The following MLIP variants were observed in gnomAD, a reference collection of about 807,000 sequenced individuals.
MLIP encodes the protein muscular LMNA-interacting protein.
MLIP carries 79 observed loss-of-function variants against 84.8 expected under a neutral mutation model. The ratio of observed to expected loss-of-function variants is 0.93; its 90% CI spans 0.78 to 1.12. The LOEUF is 1.12. Ranked by LOEUF, MLIP falls within the 50% of genes most tolerant of loss-of-function variation. MLIP has a pLI of 0.00. For synonymous variants in MLIP, 504 were observed against 463.0 expected, an observed-to-expected ratio of 1.09 and a Z score of -1.14; for missense variants, 1,257 against 1,160.6, an observed-to-expected ratio of 1.08 and a Z score of -1.21.
At chr6:54,090,142 A>G (rs1375010476) in intron 1 of MLIP, among the ~76,000 whole-genome samples, 1 of 152,152 alleles carries the variant, frequency 6.6e-6, no homozygotes, top group African/African-American at 2.4e-5. Context: ...GAAGAAACAT[A>G]AGCAGCAGTT....
At position 54,192,672 on chromosome 6, in the gene MLIP, T is replaced by A. The variant is rs62397387; in HGVS notation, c.2589+2758T>A. 4.7e-3 allele frequency among the ~76,000 whole-genome samples: 717 copies of A among 152,086 alleles called. 14 individuals carry two copies. The highest frequency in any genetic ancestry group is 0.041 in the South Asian group (196 of 4,826). ...TTTATAATATGCATACACATATAGATGACATATGAGGTAATTCTGATTGTT... is the reference window on the plus strand; with the variant it reads ...TTTATAATATGCATACACATATAGAAGACATATGAGGTAATTCTGATTGTT... On this transcript the variant is annotated intron_variant, in intron 10 of 13. Transcript: ENST00000502396.
chr6:54,124,936 G>T, intron 3 of MLIP, 71 bp downstream of exon 3: 1 of 1,392,594 alleles, frequency 7.2e-7, no homozygotes, highest in Admixed American at 2.5e-5. Context: ...TGGGCGGTCT[G>T]CAAAGGCCAT....
At chr6:54,131,288 T>C (rs816369) in intron 3 of MLIP, among the ~76,000 whole-genome samples, 46,442 of 152,086 alleles carry the variant, frequency 0.31, 7,381 homozygotes, top group African/African-American at 0.37. Context: ...CTTGAGGCTG[T>C]GGAATTCATG....
chr6:54,254,992 A>G lies in MLIP; in HGVS notation c.2923-2316A>G, dbSNP rs73440540. Among the ~76,000 whole-genome samples, 1,014 of 152,192 alleles carry G rather than the reference A, an allele frequency of 6.7e-3. 10 individuals are homozygous for G. Among genetic ancestry groups the G allele is most frequent in the African/African-American group, 0.023 (961 of 41,534 alleles). On this transcript the variant is annotated intron_variant, in intron 12 of 13. Coordinates refer to ENST00000502396, the MANE Select transcript of MLIP (RefSeq NM_001281747.2). ...ATTAAGCTCAGACTCCTCATCTGAC[A>G]TATAAGCTCCATTATACTGTGTCTC...
intron 3 of MLIP, among the ~76,000 whole-genome samples, chr6:54,133,221 A>T (rs1378009699): frequency 1.3e-5 from 2 of 152,190 alleles, no homozygotes; most frequent in African/African-American, 4.8e-5. Flanking sequence ...AGGTGATCAG[A>T]TTTTAAAAGT....
At chr6:54,265,612 G>GAAGGGT (rs1350095805) in intron 13 of MLIP, among the ~76,000 whole-genome samples, 1 of 152,090 alleles carries the variant, frequency 6.6e-6, no homozygotes, top group Non-Finnish European at 1.5e-5. Context: ...CCAAGTCATG[G>GAAGGGT]AAGGGTGTGG....
At chr6:54,122,332 T>A (rs1341841570) in intron 2 of MLIP, among the ~76,000 whole-genome samples, 1 of 152,220 alleles carries the variant, frequency 6.6e-6, no homozygotes, top group Admixed American at 6.5e-5. Context: ...GATATAATAC[T>A]GTGTTCATAT....
chr6:54,098,984 T>A (rs1768433549), intron 1 of MLIP, among the ~76,000 whole-genome samples: 1 of 152,158 alleles, frequency 6.6e-6, no homozygotes, highest in Non-Finnish European at 1.5e-5. Flanking sequence ...AGCTCATGCT[T>A]AAGAGTCTAG....
intron 12 of MLIP, among the ~76,000 whole-genome samples, chr6:54,241,720 T>C (rs1027500546): frequency 1.3e-5 from 2 of 152,224 alleles, no homozygotes; most frequent in Non-Finnish European, 2.9e-5. Context: ...CTTTATGATA[T>C]GTCAACACAA....
chr6:54,036,589 A>C lies in MLIP; in HGVS notation c.63+17498A>C, dbSNP rs80216475. Among the ~76,000 whole-genome samples, 77 of 152,166 alleles carry C rather than the reference A, an allele frequency of 5.1e-4. 1 individual carries two copies. In the South Asian group the frequency reaches 7.0e-3, roughly 14 times the overall value. On this transcript the variant is annotated intron_variant, in intron 1 of 12. Transcript: ENST00000274897. ...TGAGAATCAAAAAAGACCAACGATAAGTGTTGTAGACAATGTGGCAAAAGG... is the reference window on the plus strand; with the variant it reads ...TGAGAATCAAAAAAGACCAACGATACGTGTTGTAGACAATGTGGCAAAAGG...
intron 11 of MLIP, among the ~76,000 whole-genome samples, chr6:54,218,863 T>G (rs1780023652): frequency 6.6e-6 from 1 of 151,936 alleles, no homozygotes; most frequent in Non-Finnish European, 1.5e-5. Flanking sequence ...AATTTTTTAC[T>G]TAATAAACTT....
chr6:54,050,432 T>C (rs533824640), intron 1 of MLIP, among the ~76,000 whole-genome samples: 4 of 152,282 alleles, frequency 2.6e-5, no homozygotes, highest in Admixed American at 2.6e-4. Context: ...ATATAGTGTT[T>C]AGTACTCTTT....
intron 13 of MLIP, among the ~76,000 whole-genome samples, chr6:54,265,115 C>T (rs1783612027): frequency 1.3e-5 from 2 of 152,108 alleles, no homozygotes; most frequent in African/African-American, 4.8e-5. Context: ...TCGGAAGGTT[C>T]CCATGTTAGT....
chr6:54,136,951 C>T lies in MLIP; in HGVS notation c.882C>T (p.Ser294=). The part of the protein sequence containing the change: ...STPFSASKGT[S]STLLFPHSTQ... ...CCTTTTCTGCATCGAAGGGCACCTC[C>T]TCGACGTTACTGTTTCCCCATTCCA... is the stretch of plus-strand genomic sequence containing the variant. The change falls in exon 4 of 14, where the codon TCC becomes TCT. Residue 294 remains serine (S), a synonymous_variant. Transcript: ENST00000502396. The T allele has an allele frequency of 6.5e-7, 1 of 1,536,106 alleles. No individual in the cohort carries two copies. Among genetic ancestry groups the T allele is most frequent in the Non-Finnish European group, 8.7e-7 (1 of 1,146,884 alleles).
intron 1 of MLIP, among the ~76,000 whole-genome samples, chr6:54,087,268 G>A (rs1296725130): frequency 6.6e-6 from 1 of 152,168 alleles, no homozygotes; most frequent in Non-Finnish European, 1.5e-5. Context: ...TAGAGGGCAA[G>A]GAGGTGTTAC....
chr6:54,163,282 C>A (rs1774847621), intron 8 of MLIP, among the ~76,000 whole-genome samples: 1 of 151,504 alleles, frequency 6.6e-6, no homozygotes, highest in Admixed American at 6.6e-5. Flanking sequence ...GTCTAATTTT[C>A]TCAGAGCAGC....
intron 1 of MLIP, among the ~76,000 whole-genome samples, chr6:54,027,402 C>T (rs1763878174): frequency 6.6e-6 from 1 of 150,948 alleles, no homozygotes; most frequent in Non-Finnish European, 1.5e-5. Context: ...CACACACACA[C>T]ACACACACAC....
intron 11 of MLIP, among the ~76,000 whole-genome samples, chr6:54,225,533 T>C (rs1369242707): frequency 1.3e-5 from 2 of 152,306 alleles, no homozygotes; most frequent in East Asian, 3.9e-4. Context: ...ATCTTCTAAA[T>C]AATTTTCTGT....
chr6:54,207,581 A>G (rs754582553), intron 11 of MLIP, among the ~76,000 whole-genome samples: 16 of 152,168 alleles, frequency 1.1e-4, no homozygotes, highest in Non-Finnish European at 1.6e-4. Context: ...AATCTTAAAG[A>G]GATTTTTATT....
Sources: gnomAD v4.1 joint callset for allele counts (sites outside exome capture counted in the v4.1 genomes callset) on GRCh38, gnomAD v4.1.1 for gene constraint, MANE v1.5 for transcripts, NCBI Gene and HGNC (gene_info 2026-07-23, HGNC 2026-07-21) for gene names.